Variants in RANBP17 observed in about 807,000 individuals in gnomAD.
RANBP17 encodes ran-binding protein 17.
A neutral mutation model predicts 141.2 loss-of-function variants in RANBP17; 158 were observed. The ratio of observed to expected loss-of-function variants is 1.12; its 90% confidence interval spans 0.98 to 1.28. The LOEUF (loss-of-function observed/expected upper bound fraction) is 1.28. RANBP17 is among the 50% of genes most tolerant of loss of function. The pLI, the probability that RANBP17 is intolerant of heterozygous loss-of-function variation, is 0.00. For synonymous variants in RANBP17, 430 were observed against 450.0 expected, an observed-to-expected ratio of 0.96 and a Z score of 0.56; for missense variants, 1,438 against 1,290.7, an observed-to-expected ratio of 1.11 and a Z score of -1.75.
intron 5 of RANBP17, among the ~76,000 whole-genome samples, chr5:170,902,914 C>A (rs550118407): frequency 6.6e-6 from 1 of 152,158 alleles, no homozygotes; most frequent in Non-Finnish European, 1.5e-5. Flanking sequence ...TAGAGGGGCA[C>A]CTGCCAGATG....
chr5:171,251,528 T>A (rs1765556687), intron 24 of RANBP17, among the ~76,000 whole-genome samples: 1 of 143,440 alleles, frequency 7.0e-6, no homozygotes, highest in Admixed American at 6.9e-5. Flanking sequence ...TGGGTCAATG[T>A]AAAATTATAG....
At chr5:170,894,526 A>C (rs1241051225) in intron 4 of RANBP17, among the ~76,000 whole-genome samples, 1 of 140,972 alleles carries the variant, frequency 7.1e-6, no homozygotes, top group Non-Finnish European at 1.5e-5. Flanking sequence ...CTAACCCTGC[A>C]TCATGAGAAA....
intron 1 of RANBP17, among the ~76,000 whole-genome samples, chr5:170,875,484 G>C (rs1475992375): frequency 1.3e-5 from 2 of 152,094 alleles, no homozygotes; most frequent in African/African-American, 4.8e-5. Flanking sequence ...TTTTTACGTA[G>C]TCCCATAGTT....
rs147041695 is a variant in RANBP17 at position 170,878,122 on chromosome 5, G to A, written c.44G>A (p.Cys15Tyr). The part of the protein sequence containing the change: ...FQSLAELEVL[C>Y]THLYIGTDLT... ...AGTTTGGCTGAATTGGAAGTGTTAT[G>A]TACTCATCTCTACATAGGGACTGAT... The change falls in exon 2 of 28, where the codon TGT (cysteine) becomes TAT (tyrosine). Residue 15 changes from cysteine (C) to tyrosine (Y), a missense_variant. By Grantham distance (194) the Cys-to-Tyr change is radical. Coordinates refer to ENST00000523189, the MANE Select transcript of RANBP17 (RefSeq NM_022897.5). The A allele has an allele frequency of 6.6e-5, 106 of 1,604,632 alleles. No individual in the cohort carries two copies. Among genetic ancestry groups the A allele is most frequent in the Non-Finnish European group, 8.4e-5 (99 of 1,175,858 alleles).
At chr5:170,898,076 T>G (rs1770287516) in intron 5 of RANBP17, among the ~76,000 whole-genome samples, 1 of 152,206 alleles carries the variant, frequency 6.6e-6, no homozygotes. Flanking sequence ...CATCTGTTGT[T>G]TCCTGACTTT....
At chr5:170,954,264 A>G (rs1189807749) in intron 13 of RANBP17, among the ~76,000 whole-genome samples, 1 of 152,162 alleles carries the variant, frequency 6.6e-6, no homozygotes, top group Non-Finnish European at 1.5e-5. Context: ...TAAACATTCA[A>G]ATGAAAATAA....
chr5:170,960,990 C>A (rs1226240863), intron 13 of RANBP17, among the ~76,000 whole-genome samples: 2 of 152,218 alleles, frequency 1.3e-5, no homozygotes, highest in African/African-American at 4.8e-5. Context: ...AAGGGATCTG[C>A]CTGCCTTGGG....
In RANBP17 at chr5:171,214,940, GTTA is replaced by G. The variant is rs1266805884; in HGVS notation, c.2339+1203_2339+1205del. Among the ~76,000 whole-genome samples the G allele has an allele frequency of 2.0e-5, 3 of 151,990 alleles. No individual in the cohort carries two copies. The East Asian group carries it at 5.8e-4, about 29-fold the overall frequency. On this transcript the variant is annotated intron_variant, in intron 21 of 27. Transcript: ENST00000523189. ...ATACATGTGCAGAACATGCAGGTTT[GTTA>G]CATAGGTATACATGTGCCATGGTGG...
At chr5:171,214,510 T>G (rs748429989) in intron 21 of RANBP17, among the ~76,000 whole-genome samples, 4 of 152,172 alleles carry the variant, frequency 2.6e-5, no homozygotes, top group Non-Finnish European at 4.4e-5. Context: ...TTGTAAACTA[T>G]GTGTTTAGAA....
chr5:171,111,215 A>G (rs1480551880), intron 14 of RANBP17, among the ~76,000 whole-genome samples: 1 of 152,102 alleles, frequency 6.6e-6, no homozygotes, highest in Non-Finnish European at 1.5e-5. Flanking sequence ...CCAAAGTAGC[A>G]TATTTTGGAG....
chr5:171,211,738 C>T (rs1762906675), intron 20 of RANBP17, among the ~76,000 whole-genome samples: 1 of 143,964 alleles, frequency 6.9e-6, no homozygotes, highest in South Asian at 2.4e-4. Flanking sequence ...TCAGTATATA[C>T]AAATGCAGCC....
chr5:170,919,429 A>G lies in RANBP17; in HGVS notation c.1102-12A>G, dbSNP rs375249320. The G allele has an allele frequency of 8.5e-6, 13 of 1,524,172 alleles. No individual in the cohort carries two copies. The Admixed American group carries it at 2.9e-4, about 34-fold the overall frequency. The allele number at this position is 1,524,172 out of a possible 1,614,324, so 94.4% of individuals were successfully genotyped here. On this transcript the variant is annotated splice_polypyrimidine_tract_variant and intron_variant, in intron 10 of 27. Coordinates refer to ENST00000523189, the MANE Select transcript of RANBP17 (RefSeq NM_022897.5). Reference sequence around the variant, plus strand: ...TAATATTTTAAATAACTTCTGCTTTATTTCTTTGTAGCACTGGGAATTTGC... The same window carrying G: ...TAATATTTTAAATAACTTCTGCTTTGTTTCTTTGTAGCACTGGGAATTTGC...
chr5:171,125,296 CAA>C (rs3083436), intron 14 of RANBP17, among the ~76,000 whole-genome samples: 8 of 85,954 alleles, frequency 9.3e-5, no homozygotes, highest in African/African-American at 2.7e-4. Flanking sequence ...GACTATGTAT[CAA>C]AAAAAAAAAA....
chr5:171,159,948 A>G (rs903911305), intron 14 of RANBP17, among the ~76,000 whole-genome samples: 2 of 151,282 alleles, frequency 1.3e-5, no homozygotes, highest in African/African-American at 4.8e-5. Context: ...AAAAGAAAAA[A>G]GAAGAAAATT....
At chr5:170,895,633 G>C (rs1335266622) in intron 4 of RANBP17, among the ~76,000 whole-genome samples, 2 of 152,126 alleles carry the variant, frequency 1.3e-5, no homozygotes, top group African/African-American at 4.8e-5. Flanking sequence ...TTATTGTTGA[G>C]TGTCTCTATC....
intron 14 of RANBP17, among the ~76,000 whole-genome samples, chr5:171,134,149 C>T (rs1424967930): frequency 6.6e-6 from 1 of 152,082 alleles, no homozygotes; most frequent in African/African-American, 2.4e-5. Flanking sequence ...CTAAAATAAG[C>T]CATTGTTAAA....
At chr5:171,064,253 G>A (rs1018121906) in intron 14 of RANBP17, among the ~76,000 whole-genome samples, 11 of 152,318 alleles carry the variant, frequency 7.2e-5, no homozygotes, top group South Asian at 4.1e-4. Flanking sequence ...CGTCTTCTGC[G>A]TCACTCACGC....
chr5:170,939,425 A>G (rs902296206), intron 12 of RANBP17, among the ~76,000 whole-genome samples: 31 of 151,742 alleles, frequency 2.0e-4, no homozygotes, highest in African/African-American at 6.5e-4. Flanking sequence ...TGCCCTGTCA[A>G]CCAGGCTGGA....
intron 25 of RANBP17, among the ~76,000 whole-genome samples, chr5:171,273,439 G>A (rs1767255738): frequency 6.6e-6 from 1 of 152,128 alleles, no homozygotes; most frequent in Non-Finnish European, 1.5e-5. Context: ...AAACCTGAAT[G>A]AGGTAGACAT....
Sources: allele counts gnomAD v4.1 joint callset (sites outside exome capture counted in the v4.1 genomes callset), GRCh38; gene constraint gnomAD v4.1.1; transcripts MANE v1.5; gene names NCBI Gene and HGNC (gene_info 2026-07-23, HGNC 2026-07-21).